Variants in PIP5K1A observed in about 807,000 individuals in gnomAD.
PIP5K1A encodes the protein phosphatidylinositol 4-phosphate 5-kinase type-1 alpha.
A neutral mutation model predicts 72.9 loss-of-function variants in PIP5K1A; 46 were observed. The observed-to-expected ratio is 0.63, with a 90% confidence interval of 0.50 to 0.81. The LOEUF (loss-of-function observed/expected upper bound fraction) is 0.81, where lower values mean the gene tolerates loss of function less well. Among genes scored for constraint, PIP5K1A ranks in the 30% least tolerant of loss-of-function variants. The pLI, the probability that PIP5K1A is intolerant of heterozygous loss-of-function variation, is 0.00. For synonymous variants in PIP5K1A, 228 were observed against 255.1 expected (o/e 0.89, Z 1.01); for missense variants, 458 against 706.1 (o/e 0.65, Z 3.98).
intron 3 of PIP5K1A, among the ~76,000 whole-genome samples, 174 bp downstream of exon 3, chr1:151,224,580 G>A (rs754312700): frequency 1.3e-5 from 2 of 152,148 alleles, no homozygotes; most frequent in Non-Finnish European, 2.9e-5. Context: ...CAACTACAGT[G>A]AGGCAAATAC....
At position 151,198,858 on chromosome 1, in the gene PIP5K1A, A is replaced by T; in HGVS notation, c.-139A>T. On this transcript the variant is annotated 5_prime_UTR_variant, in exon 1 of 16. An upstream open reading frame in the 5' UTR loses its in-frame stop. Coordinates refer to ENST00000368888, the MANE Select transcript of PIP5K1A (RefSeq NM_001135638.2). ...TCCAGGAGCCGGCTCGACGTGTCTG[A>T]GGGAGGCCCCGGAGGGGGCGGGGAG... The T allele has an allele frequency of 1.3e-6, 1 of 799,728 alleles. No homozygotes were observed. The highest frequency in any genetic ancestry group is 2.1e-6 in the Non-Finnish European group (1 of 477,064). 49.5% of individuals were successfully genotyped at this position (799,728 alleles called of 1,614,324 possible).
intron 1 of PIP5K1A, among the ~76,000 whole-genome samples, chr1:151,201,867 A>G (rs1208505268): frequency 6.6e-6 from 1 of 151,296 alleles, no homozygotes; most frequent in Non-Finnish European, 1.5e-5. Flanking sequence ...GTCTCAAAAC[A>G]AAAAAAAGGG....
Position 151,232,717 on chromosome 1 carries a change from AAGC to A in PIP5K1A, c.639+16_639+18del. ...GGATACTACATGGTAAGGGAGAGAG[AAGC>A]ACTGTCCACCTGTGCTGCTCACTTC... On this transcript the variant is annotated intron_variant, in intron 7 of 15. Coordinates refer to ENST00000368888, the MANE Select transcript of PIP5K1A (RefSeq NM_001135638.2). 1 of 1,611,162 alleles carries A rather than the reference AAGC, an allele frequency of 6.2e-7. No individual in the cohort carries two copies. The highest frequency in any genetic ancestry group is 1.1e-5 in the South Asian group (1 of 90,890).
intron 1 of PIP5K1A, chr1:151,224,003 T>C (rs1688760780): frequency 1.8e-6 from 1 of 552,522 alleles, no homozygotes. Flanking sequence ...CCAGAGAAAA[T>C]ATGGATATTT....
chr1:151,236,276 T>G (rs913371244), intron 8 of PIP5K1A, among the ~76,000 whole-genome samples: 2 of 151,614 alleles, frequency 1.3e-5, no homozygotes, highest in African/African-American at 4.9e-5. Flanking sequence ...GCCCAGAAAT[T>G]AGAGACCAGC....
intron 1 of PIP5K1A, among the ~76,000 whole-genome samples, chr1:151,207,867 CTT>C (rs35805635): frequency 1.8e-3 from 261 of 142,144 alleles, no homozygotes; most frequent in Middle Eastern, 3.5e-3. Flanking sequence ...GTTGCTCCTT[CTT>C]TTTTTTTTTT....
intron 4 of PIP5K1A, among the ~76,000 whole-genome samples, chr1:151,231,261 A>G (rs1041537667): frequency 6.6e-6 from 1 of 151,846 alleles, no homozygotes; most frequent in African/African-American, 2.4e-5. Context: ...GTTACATTCG[A>G]TATCAGATGA....
intron 10 of PIP5K1A, chr1:151,238,635 G>T: frequency 3.7e-6 from 1 of 268,726 alleles, no homozygotes; most frequent in South Asian, 4.6e-5. Flanking sequence ...AGGAAAAACA[G>T]GAGGGTCACT....
At chr1:151,224,202 A>T in intron 1 of PIP5K1A, 43 bp from the exon 2 acceptor site, 2 of 1,555,028 alleles carry the variant, frequency 1.3e-6, no homozygotes, top group Non-Finnish European at 1.8e-6. Context: ...CAGAGATGTG[A>T]GTGTGTGATA....
chr1:151,203,036 T>C (rs1284614038), intron 1 of PIP5K1A, among the ~76,000 whole-genome samples: 3 of 152,122 alleles, frequency 2.0e-5, no homozygotes, highest in African/African-American at 7.2e-5. Flanking sequence ...TGCAAAGTGC[T>C]GAGGTACATA....
At chr1:151,199,287 T>C (rs1684862826) in intron 1 of PIP5K1A, 1 of 1,054,008 alleles carries the variant, frequency 9.5e-7, no homozygotes, top group Non-Finnish European at 1.3e-6. Context: ...AAACTTTGGT[T>C]GTCTTTGAGG....
In PIP5K1A at chr1:151,247,461, T is replaced by C. The variant is rs144369052; in HGVS notation, c.1687-402T>C. ...GTGTTTTTGAGACGGAGTCTTGCTC[T>C]GTCACCCAGGCTGGAGTGCAGTGGC... On this transcript the variant is annotated intron_variant, in intron 15 of 15. Coordinates refer to ENST00000368888, the MANE Select transcript of PIP5K1A (RefSeq NM_001135638.2). 4.4e-3 allele frequency among the ~76,000 whole-genome samples: 666 copies of C among 152,214 alleles called. 6 individuals are homozygous for C. Among genetic ancestry groups the C allele is most frequent in the African/African-American group, 0.015 (631 of 41,548 alleles).
rs965316778 is a variant in PIP5K1A at position 151,248,630 on chromosome 1, C to G, written c.*765C>G. The G allele has an allele frequency of 6.6e-6, 1 of 152,640 alleles. No individual in the cohort carries two copies. Among genetic ancestry groups the G allele is most frequent in the Non-Finnish European group, 1.5e-5 (1 of 68,052 alleles). 9.5% of individuals were successfully genotyped at this position (152,640 alleles called of 1,614,324 possible). On this transcript the variant is annotated 3_prime_UTR_variant, in exon 16 of 16. Transcript: ENST00000368888. ...TGAAGAGAGTGGGACATGGGGTAAT[C>G]TTTATCCCTTTTGTTAAAACAGGAG...
chr1:151,220,336 A>G (rs886879112), intron 1 of PIP5K1A, among the ~76,000 whole-genome samples: 1 of 151,962 alleles, frequency 6.6e-6, no homozygotes, highest in Non-Finnish European at 1.5e-5. Context: ...GCCAACTCAG[A>G]TCAAGAATTT....
chr1:151,212,881 C>CTTTTTTTTT (rs59115186), intron 1 of PIP5K1A, among the ~76,000 whole-genome samples: 2 of 112,998 alleles, frequency 1.8e-5, no homozygotes, highest in Non-Finnish European at 1.8e-5. Context: ...CTGACTTTGC[C>CTTTTTTTTT]TTTTTTTTTT....
chr1:151,207,494 T>C (rs1182177034), intron 1 of PIP5K1A, among the ~76,000 whole-genome samples: 1 of 151,888 alleles, frequency 6.6e-6, no homozygotes, highest in Non-Finnish European at 1.5e-5. Flanking sequence ...GAAACTGAGG[T>C]AAAGATGTTG....
chr1:151,216,204 C>T (rs1197755294), intron 1 of PIP5K1A, among the ~76,000 whole-genome samples: 1 of 152,070 alleles, frequency 6.6e-6, no homozygotes, highest in Non-Finnish European at 1.5e-5. Flanking sequence ...AAAAAATTAG[C>T]TGGGCATGGT....
intron 14 of PIP5K1A, among the ~76,000 whole-genome samples, chr1:151,245,502 T>C (rs1036641290): frequency 2.0e-5 from 3 of 152,220 alleles, no homozygotes; most frequent in Non-Finnish European, 4.4e-5. Flanking sequence ...AGTCTCACTC[T>C]GTTGCCCAGG....
At position 151,232,626 on chromosome 1, in the gene PIP5K1A, G is replaced by A; in HGVS notation, c.562G>A (p.Asp188Asn). ...TGGTTCCCTATTCTATGTGTCCAGC[G>A]ACGATGAGTTCATTATTAAGACAGT... ...ASGSLFYVSSDDEFIIKTVQH... is the reference protein window; with the variant it reads ...ASGSLFYVSSNDEFIIKTVQH... Residue 188 changes from aspartate to asparagine, a missense_variant, in exon 7 of 16, where the codon GAC becomes AAC. Physicochemically the swap from Asp to Asn is conservative, Grantham distance 23. This residue lies in a region of PIP5K1A where 220 missense variants were observed against 442.6 expected (regional missense o/e 0.50). Coordinates refer to ENST00000368888, the MANE Select transcript of PIP5K1A (RefSeq NM_001135638.2). The A allele has an allele frequency of 1.2e-6, 2 of 1,612,666 alleles. No individual in the cohort carries two copies. The highest frequency in any genetic ancestry group is 1.7e-6 in the Non-Finnish European group (2 of 1,179,532).
Sources: allele counts gnomAD v4.1 joint callset (sites outside exome capture counted in the v4.1 genomes callset), GRCh38; gene constraint gnomAD v4.1.1; regional missense constraint gnomAD v4.1.1; transcripts MANE v1.5; gene names NCBI Gene and HGNC (gene_info 2026-07-23, HGNC 2026-07-21).